The following LUZP2 variants were observed in gnomAD, a reference collection of about 807,000 sequenced individuals.
The protein encoded by LUZP2 is leucine zipper protein 2.
A neutral mutation model predicts 51.6 loss-of-function variants in LUZP2; 52 were observed. That is an observed-to-expected ratio of 1.01 (90% CI 0.81 to 1.27). The LOEUF (loss-of-function observed/expected upper bound fraction) is 1.27, where lower values mean the gene tolerates loss of function less well. LUZP2 is among the 50% of genes most tolerant of loss of function. The pLI is 0.00. For synonymous variants in LUZP2, 154 were observed against 137.3 expected (o/e 1.12, Z -0.85); for missense variants, 436 against 395.4 (o/e 1.10, Z -0.87).
chr11:24,706,686 A>G (rs1476533509), intron 1 of LUZP2, among the ~76,000 whole-genome samples: 1 of 152,176 alleles, frequency 6.6e-6, no homozygotes, highest in Non-Finnish European at 1.5e-5. Context: ...GTAATACTTT[A>G]GGAGCCAGCC....
chr11:25,060,475 A>G (rs1013183461), intron 10 of LUZP2, among the ~76,000 whole-genome samples: 4 of 152,162 alleles, frequency 2.6e-5, no homozygotes, highest in Admixed American at 2.0e-4. Context: ...ATTTCAACAT[A>G]TAAATTTTGC....
chr11:24,822,946 C>T (rs955857039), intron 5 of LUZP2, among the ~76,000 whole-genome samples: 2 of 152,074 alleles, frequency 1.3e-5, no homozygotes, highest in African/African-American at 4.8e-5. Flanking sequence ...AAATATTACT[C>T]ATCTGTTGCA....
chr11:24,607,341 C>CTTTTTTTTTTTTTT (rs57741208), intron 1 of LUZP2, among the ~76,000 whole-genome samples: 4 of 63,416 alleles, frequency 6.3e-5, no homozygotes, highest in Non-Finnish European at 1.2e-4. Flanking sequence ...GATATTATGT[C>CTTTTTTTTTTTTTT]TTTTTTTTTT....
At chr11:25,022,308 A>G (rs955715547) in intron 9 of LUZP2, among the ~76,000 whole-genome samples, 1 of 152,070 alleles carries the variant, frequency 6.6e-6, no homozygotes, top group East Asian at 1.9e-4. Flanking sequence ...TGGGTATTCC[A>G]TGAACACATG....
intron 4 of LUZP2, among the ~76,000 whole-genome samples, chr11:24,752,356 T>C (rs929766944): frequency 6.6e-6 from 1 of 152,202 alleles, no homozygotes; most frequent in African/African-American, 2.4e-5. Context: ...TACATTGTTC[T>C]ATACATATAA....
intron 1 of LUZP2, among the ~76,000 whole-genome samples, chr11:24,556,292 A>G (rs1851867315): frequency 6.6e-6 from 1 of 152,182 alleles, no homozygotes; most frequent in African/African-American, 2.4e-5. Flanking sequence ...TCAATTTTCC[A>G]TTGTGGCATA....
intron 1 of LUZP2, among the ~76,000 whole-genome samples, chr11:24,703,368 G>A: frequency 6.6e-6 from 1 of 152,188 alleles, no homozygotes; most frequent in Non-Finnish European, 1.5e-5. Flanking sequence ...CAGAGACGTA[G>A]CAGTTTAATA....
At chr11:25,020,714 A>AT (rs1452450927) in intron 9 of LUZP2, among the ~76,000 whole-genome samples, 3 of 152,114 alleles carry the variant, frequency 2.0e-5, no homozygotes, top group South Asian at 4.2e-4. Context: ...GAATTCTCAG[A>AT]TTTTTTTGAT....
intron 9 of LUZP2, among the ~76,000 whole-genome samples, chr11:24,994,081 G>A (rs932746326): frequency 9.9e-5 from 15 of 150,874 alleles, no homozygotes; most frequent in South Asian, 2.1e-4. Context: ...GTCTGGTCTC[G>A]AACTGCTGAC....
intron 1 of LUZP2, among the ~76,000 whole-genome samples, chr11:24,509,662 T>C (rs7111245): frequency 0.3 from 45,680 of 150,030 alleles, 7,057 homozygotes; most frequent in East Asian, 0.45. Context: ...TATAAATATA[T>C]TCCGTAGTAT....
chr11:24,912,109 C>T (rs1853652777), intron 6 of LUZP2, among the ~76,000 whole-genome samples: 1 of 151,760 alleles, frequency 6.6e-6, no homozygotes, highest in Admixed American at 6.6e-5. Flanking sequence ...CCTTTCTTTT[C>T]CTTTCGTTTC....
chr11:24,945,981 T>A (rs1030628619), intron 7 of LUZP2, among the ~76,000 whole-genome samples: 1 of 152,036 alleles, frequency 6.6e-6, no homozygotes, highest in African/African-American at 2.4e-5. Flanking sequence ...TTCCCCTTTT[T>A]CCCTAGACCC....
At chr11:24,636,512 C>T (rs986382502) in intron 1 of LUZP2, among the ~76,000 whole-genome samples, 3 of 152,088 alleles carry the variant, frequency 2.0e-5, no homozygotes, top group African/African-American at 7.2e-5. Context: ...AATATTAGCT[C>T]ATATCATTGT....
chr11:24,669,062 C>T (rs1209418455), intron 1 of LUZP2, among the ~76,000 whole-genome samples: 2 of 152,216 alleles, frequency 1.3e-5, no homozygotes, highest in East Asian at 3.9e-4. Flanking sequence ...ACTAGGCAGG[C>T]AGCAAGGTGC....
chr11:24,838,016 T>C lies in LUZP2; in HGVS notation c.397-67975T>C, dbSNP rs557750422. 3.0e-3 allele frequency among the ~76,000 whole-genome samples: 451 copies of C among 151,806 alleles called. 1 individual carries two copies. Among genetic ancestry groups the C allele is most frequent in the Non-Finnish European group, 5.0e-3 (337 of 67,622 alleles). On this transcript the variant is annotated intron_variant, in intron 5 of 11. Transcript: ENST00000336930. ...TTAAACATGTATATATCAGGCACTG[T>C]TGTTAGCCCTTCATATTCTACAACT... is the stretch of plus-strand genomic sequence containing the variant.
chr11:25,059,178 A>C (rs1439696146), intron 10 of LUZP2, among the ~76,000 whole-genome samples: 1 of 152,182 alleles, frequency 6.6e-6, no homozygotes, highest in Non-Finnish European at 1.5e-5. Context: ...CTTTTAGAGT[A>C]AGATCATAAG....
chr11:25,065,514 T>A (rs77238145), intron 10 of LUZP2, among the ~76,000 whole-genome samples: 2,563 of 152,030 alleles, frequency 0.017, 156 homozygotes, highest in East Asian at 0.15. Context: ...AATTGAGTAA[T>A]CCAAGGCCAC....
chr11:25,045,277 G>A (rs1201781913), intron 9 of LUZP2, among the ~76,000 whole-genome samples: 3 of 151,606 alleles, frequency 2.0e-5, no homozygotes, highest in Non-Finnish European at 4.4e-5. Flanking sequence ...AAGTGGAATA[G>A]CATCAGTATT....
chr11:24,960,208 T>C (rs1001378891), intron 7 of LUZP2, among the ~76,000 whole-genome samples: 3 of 152,208 alleles, frequency 2.0e-5, no homozygotes, highest in Admixed American at 6.5e-5. Flanking sequence ...GTTCTAAAAT[T>C]CTCTTTTTTT....
Sources: gnomAD v4.1 joint callset for allele counts (sites outside exome capture counted in the v4.1 genomes callset) on GRCh38, gnomAD v4.1.1 for gene constraint, MANE v1.5 for transcripts, NCBI Gene and HGNC (gene_info 2026-07-23, HGNC 2026-07-21) for gene names.